Variants in ARID1A observed in about 807,000 individuals in gnomAD.
ARID1A encodes the protein AT-rich interaction domain 1A.
Under a neutral mutation model 212.6 loss-of-function variants are expected in ARID1A, and 20 were observed. The ratio of observed to expected loss-of-function variants is 0.09; its 90% confidence interval spans 0.07 to 0.14. The LOEUF is 0.14. Ranked by LOEUF, ARID1A falls within the 10% of genes least tolerant of loss-of-function variation. The pLI is 1.00. For synonymous variants in ARID1A, 1,376 were observed against 1,222.1 expected (o/e 1.13, Z -2.63); for missense variants, 2,587 against 3,059.0 (o/e 0.85, Z 3.64).
intron 8 of ARID1A, among the ~76,000 whole-genome samples, chr1:26,763,594 A>AC (rs1301369275): frequency 6.6e-6 from 1 of 152,066 alleles, no homozygotes; most frequent in Admixed American, 6.6e-5. Context: ...ACATGGTGAA[A>AC]CCCCGTCTGT....
chr1:26,733,903 A>G lies in ARID1A; in HGVS notation c.1920+1111A>G, dbSNP rs372754072. Among the ~76,000 whole-genome samples the G allele has an allele frequency of 1.1e-4, 17 of 152,340 alleles. No individual in the cohort carries two copies. In the East Asian group the frequency reaches 3.3e-3, roughly 29 times the overall value. ...TAGGCAGAAGGCGGGAACTCTCTTCATCATGAAGCCTCCCATGGATTCCCC... is the reference window on the plus strand; with the variant it reads ...TAGGCAGAAGGCGGGAACTCTCTTCGTCATGAAGCCTCCCATGGATTCCCC... On this transcript the variant is annotated intron_variant, in intron 4 of 19. Transcript: ENST00000324856.
intron 19 of ARID1A, among the ~76,000 whole-genome samples, chr1:26,777,403 T>C (rs1196670189): frequency 6.6e-6 from 1 of 150,988 alleles, no homozygotes; most frequent in Admixed American, 6.6e-5. Context: ...ATTTTTTTTT[T>C]TTTTTTTTTT....
chr1:26,738,252 G>C (rs1382449357), intron 4 of ARID1A, among the ~76,000 whole-genome samples: 1 of 152,104 alleles, frequency 6.6e-6, no homozygotes, highest in African/African-American at 2.4e-5. Flanking sequence ...TCGAACTCCT[G>C]ACCTGGGTGA....
At position 26,780,707 on chromosome 1, in the gene ARID1A, T is replaced by C. The variant is rs369917594; in HGVS notation, c.6809T>C (p.Leu2270Ser). ...DISVSPLMNS[L>S]VSQVICDVLF... ...TCGGTATCACCGTTGATGAACTCAT[T>C]GGTTTCACAAGTCATTTGTGATGTA... is the stretch of plus-strand genomic sequence containing the variant. The change falls in exon 20 of 20, where the codon TTG (leucine) becomes TCG (serine). Residue 2270 changes from leucine (L) to serine (S), a missense_variant. Transcript: ENST00000324856. The surrounding 1 kb of genome is among the most constrained non-coding windows in gnomAD (Gnocchi z 7.2). 1 of 1,592,582 alleles carries C rather than the reference T, an allele frequency of 6.3e-7. No homozygotes were observed. Among genetic ancestry groups the C allele is most frequent in the Non-Finnish European group, 8.5e-7 (1 of 1,172,434 alleles).
At chr1:26,718,598 T>C (rs1439102754) in intron 1 of ARID1A, among the ~76,000 whole-genome samples, 1 of 152,232 alleles carries the variant, frequency 6.6e-6, no homozygotes, top group Non-Finnish European at 1.5e-5. Context: ...AAACCATTAA[T>C]ACGTACATTC....
chr1:26,755,282 A>AT (rs2080918971), intron 4 of ARID1A, among the ~76,000 whole-genome samples: 1 of 152,208 alleles, frequency 6.6e-6, no homozygotes, highest in African/African-American at 2.4e-5. Flanking sequence ...TCTTAAAATT[A>AT]TTTGAAACCA....
At chr1:26,767,732 C>T (rs2124085411) in intron 10 of ARID1A, 58 bp from the exon 11 acceptor site, 1 of 1,491,394 alleles carries the variant, frequency 6.7e-7, no homozygotes, top group East Asian at 2.3e-5. Flanking sequence ...CTTCTGAGAC[C>T]CTTAGCACAG....
chr1:26,729,509 A>G (rs2080652078), intron 1 of ARID1A, 142 bp from the exon 2 acceptor site: 1 of 898,934 alleles, frequency 1.1e-6, no homozygotes, highest in African/African-American at 1.7e-5. Flanking sequence ...CTTAAAGGTT[A>G]CTAGGTTGGT....
intron 19 of ARID1A, among the ~76,000 whole-genome samples, chr1:26,777,150 A>G (rs2081144003): frequency 6.6e-6 from 1 of 152,196 alleles, no homozygotes; most frequent in East Asian, 1.9e-4. Flanking sequence ...CTGCAGCCTC[A>G]AACTCCTGGG....
At chr1:26,738,882 T>TG (rs2080760364) in intron 4 of ARID1A, among the ~76,000 whole-genome samples, 1 of 145,994 alleles carries the variant, frequency 6.8e-6, no homozygotes, top group African/African-American at 2.6e-5. Context: ...TTTTGTTTTT[T>TG]TTTTTTTTTT....
At chr1:26,741,809 C>G (rs1340290606) in intron 4 of ARID1A, among the ~76,000 whole-genome samples, 1 of 152,218 alleles carries the variant, frequency 6.6e-6, no homozygotes, top group Non-Finnish European at 1.5e-5. Context: ...CACTTAACAT[C>G]TTAGCTATTA....
chr1:26,774,067 C>G lies in ARID1A; in HGVS notation c.4101+169C>G, dbSNP rs377638731. 1.9e-5 allele frequency: 21 copies of G among 1,081,152 alleles called. No individual in the cohort carries two copies. The highest frequency in any genetic ancestry group is 1.3e-4 in the East Asian group (5 of 38,760). The allele number at this position is 1,081,152 out of a possible 1,614,324, so 67.0% of individuals were successfully genotyped here. A position where few individuals can be genotyped will look rare whatever the true frequency, so the allele number is the denominator to read the frequency against. On this transcript the variant is annotated intron_variant, in intron 17 of 19. Transcript: ENST00000324856. The surrounding 1 kb of genome is among the most constrained non-coding windows in gnomAD (Gnocchi z 5.6). ...AAGAGCCACGTCCTCAATCTCTTCT[C>G]TATTTGGAGTTGGAAGGGGCTAGAA...
At position 26,763,143 on chromosome 1, in the gene ARID1A, G is replaced by A. The variant is rs529602729; in HGVS notation, c.2590G>A (p.Gly864Ser). The A allele has an allele frequency of 2.0e-5, 33 of 1,614,246 alleles. 1 individual carries two copies. In the South Asian group the frequency reaches 3.6e-4, roughly 18 times the overall value. Reference sequence around the variant, plus strand: ...AGGGAGGATGAGTCACGCCTCCATGGGCAACCGGCCTTATGGCCCTAACAT... The same window carrying A: ...AGGGAGGATGAGTCACGCCTCCATGAGCAACCGGCCTTATGGCCCTAACAT... ...PPGRMSHASM[G>S]NRPYGPNMAN... Residue 864 changes from glycine (G) to serine (S), a missense_variant, in exon 8 of 20, where the codon GGC becomes AGC. By Grantham distance (56) the Gly-to-Ser change is moderately conservative (BLOSUM62 0). Around this residue, in one of 11 missense-constraint regions of ARID1A, gnomAD observed 674 missense variants for 813.4 expected, o/e 0.83. Transcript: ENST00000324856.
At position 26,731,439 on chromosome 1, in the gene ARID1A, G is replaced by T. The variant is rs761124889; in HGVS notation, c.1638G>T (p.Gln546His). The T allele has an allele frequency of 2.5e-6, 4 of 1,613,478 alleles. No homozygotes were observed. Among genetic ancestry groups the T allele is most frequent in the Middle Eastern group, 1.6e-4 (1 of 6,062 alleles). The change falls in exon 3 of 20, where the codon CAG becomes CAT. Residue 546 changes from glutamine (Q) to histidine (H), a missense_variant. Around this residue, in one of 11 missense-constraint regions of ARID1A, gnomAD observed 674 missense variants for 813.4 expected, o/e 0.83. Transcript: ENST00000324856. ...AGTCGACGACACAGCAGCACCCCCA[G>T]AGCCAGCCCCCCTACTCACAGCCAC... The part of the protein sequence containing the change: ...SQQSTTQQHP[Q>H]SQPPYSQPQA...
Position 26,696,352 on chromosome 1 carries a change from G to C in ARID1A, c.-52G>C. 1 of 1,213,346 alleles carries C rather than the reference G, an allele frequency of 8.2e-7. No individual in the cohort carries two copies. The highest frequency in any genetic ancestry group is 1.0e-6 in the Non-Finnish European group (1 of 975,402). 75.2% of individuals were successfully genotyped at this position (1,213,346 alleles called of 1,614,324 possible). ...GGCCCCGGGGCGGGGTGGGAGGGGGGGAGAAGACGAAGACAGGGCCGGGTC... is the reference window on the plus strand; with the variant it reads ...GGCCCCGGGGCGGGGTGGGAGGGGGCGAGAAGACGAAGACAGGGCCGGGTC... On this transcript the variant is annotated 5_prime_UTR_variant, in exon 1 of 20. Coordinates refer to ENST00000324856, the MANE Select transcript of ARID1A (RefSeq NM_006015.6).
intron 1 of ARID1A, among the ~76,000 whole-genome samples, chr1:26,726,933 A>C (rs1319136676): frequency 2.0e-5 from 3 of 152,252 alleles, no homozygotes; most frequent in African/African-American, 7.2e-5. Flanking sequence ...TGAAAGGTCA[A>C]GTTTCTGTTA....
chr1:26,745,228 A>G (rs1163904626), intron 4 of ARID1A, among the ~76,000 whole-genome samples: 3 of 152,150 alleles, frequency 2.0e-5, no homozygotes, highest in Non-Finnish European at 4.4e-5. Flanking sequence ...CGGAGCTACT[A>G]TTAGATTGAT....
At position 26,696,111 on chromosome 1, in the gene ARID1A, G is replaced by A. The variant is rs1368258712; in HGVS notation, c.-293G>A. The A allele has an allele frequency of 1.3e-5, 6 of 464,722 alleles. No individual in the cohort carries two copies. The highest frequency in any genetic ancestry group is 1.5e-5 in the Non-Finnish European group (5 of 329,536). 28.8% of individuals were successfully genotyped at this position (464,722 alleles called of 1,614,324 possible). On this transcript the variant is annotated 5_prime_UTR_variant, in exon 1 of 20. Transcript: ENST00000324856. Reference sequence around the variant, plus strand: ...CCCCCTCATTCCCAGGCAAGGGCTTGGGGGGAATGAGCCGGGAGAGCCGGG... The same window carrying A: ...CCCCCTCATTCCCAGGCAAGGGCTTAGGGGGAATGAGCCGGGAGAGCCGGG...
At chr1:26,698,950 A>G (rs1379167328) in intron 1 of ARID1A, among the ~76,000 whole-genome samples, 3 of 152,126 alleles carry the variant, frequency 2.0e-5, no homozygotes, top group Non-Finnish European at 4.4e-5. Flanking sequence ...AATCTTGTTA[A>G]CACTTTCTTT....
Sources: gnomAD v4.1 joint callset for allele counts (sites outside exome capture counted in the v4.1 genomes callset) on GRCh38, gnomAD v4.1.1 for gene constraint, gnomAD v4.1.1 regional missense constraint, Gnocchi (gnomAD v3.1) non-coding constraint, MANE v1.5 for transcripts, NCBI Gene and HGNC (gene_info 2026-07-23, HGNC 2026-07-21) for gene names.